DPP10: variants seen among roughly 807,000 people sequenced by gnomAD.
The protein encoded by DPP10 is inactive dipeptidyl peptidase 10.
DPP10 carries 33 observed loss-of-function variants against 120.9 expected under a neutral mutation model. The ratio of observed to expected loss-of-function variants is 0.27; its 90% CI spans 0.21 to 0.37. The LOEUF is 0.37. Among genes scored for constraint, DPP10 ranks in the 10% least tolerant of loss-of-function variants. The probability of loss-of-function intolerance (pLI) is 1.00; values close to 1 mark genes in which losing one functional copy is unlikely to be tolerated. For missense variants in DPP10, 816 were observed against 942.8 expected (o/e 0.87, Z 1.76); for synonymous variants, 337 against 326.1 (o/e 1.03, Z -0.36).
intron 1 of DPP10, among the ~76,000 whole-genome samples, chr2:114,503,609 G>A (rs906547254): frequency 3.3e-5 from 5 of 152,260 alleles, no homozygotes; most frequent in Admixed American, 6.5e-5. Context: ...ATTATCTCAC[G>A]GTCCCAAACA....
Position 115,618,320 on chromosome 2 carries a change from G to A in DPP10, c.442-71367G>A, listed in dbSNP as rs114884120. On this transcript the variant is annotated intron_variant, in intron 5 of 25. Coordinates refer to ENST00000410059, the MANE Select transcript of DPP10 (RefSeq NM_020868.6). ...ACATTGAGTGCAATGTGTCAGTTGAGTGAACTATCTTGGTTGCAAAAGTCA... is the reference window on the plus strand; with the variant it reads ...ACATTGAGTGCAATGTGTCAGTTGAATGAACTATCTTGGTTGCAAAAGTCA... Among the ~76,000 whole-genome samples, 715 of 152,286 alleles carry A rather than the reference G, an allele frequency of 4.7e-3. 6 individuals are homozygous for A. Among genetic ancestry groups the A allele is most frequent in the South Asian group, 9.3e-3 (45 of 4,826 alleles).
At position 115,067,544 on chromosome 2, in the gene DPP10, G is replaced by A. The variant is rs561255433; in HGVS notation, c.61-241695G>A. On this transcript the variant is annotated intron_variant, in intron 1 of 25. Coordinates refer to ENST00000410059, the MANE Select transcript of DPP10 (RefSeq NM_020868.6). ...TGGGATCACAGGCGTGAGCCACCGC[G>A]CCCAGCCAGAATTTCCTCTTTTTAA... Among the ~76,000 whole-genome samples the A allele has an allele frequency of 1.1e-3, 159 of 138,938 alleles. 3 individuals carry two copies. Among genetic ancestry groups the A allele is most frequent in the South Asian group, 0.011 (42 of 3,838 alleles). The allele number at this position is 138,938 out of a possible 152,430, so 91.1% of individuals were successfully genotyped here.
intron 4 of DPP10, among the ~76,000 whole-genome samples, chr2:115,505,981 A>G (rs2076918181): frequency 1.3e-5 from 2 of 148,528 alleles, no homozygotes; most frequent in Admixed American, 1.4e-4. Flanking sequence ...TTATAAACTA[A>G]AATTATTAAT....
At chr2:114,929,714 A>G (rs149542615) in intron 1 of DPP10, among the ~76,000 whole-genome samples, 17,238 of 152,152 alleles carry the variant, frequency 0.11, 1,166 homozygotes, top group Middle Eastern at 0.27. Flanking sequence ...AGTTAACGCA[A>G]TCATCACAGG....
At chr2:115,317,327 TG>T (rs2061843535) in intron 2 of DPP10, among the ~76,000 whole-genome samples, 1 of 152,194 alleles carries the variant, frequency 6.6e-6, no homozygotes, top group Non-Finnish European at 1.5e-5. Flanking sequence ...TCACTTTGCA[TG>T]TTTTAGAAGT....
chr2:115,401,567 T>C (rs1345176310), intron 3 of DPP10, among the ~76,000 whole-genome samples: 2 of 152,056 alleles, frequency 1.3e-5, no homozygotes, highest in Non-Finnish European at 2.9e-5. Context: ...CGGGCGACAT[T>C]GTGACACCCT....
At chr2:115,231,342 A>G (rs1018009727) in intron 1 of DPP10, among the ~76,000 whole-genome samples, 62 of 152,242 alleles carry the variant, frequency 4.1e-4, no homozygotes, top group African/African-American at 1.4e-3. Flanking sequence ...ATAAACATCT[A>G]TGTTTATCTT....
At chr2:115,388,431 TG>T (rs2067103254) in intron 3 of DPP10, among the ~76,000 whole-genome samples, 1 of 152,134 alleles carries the variant, frequency 6.6e-6, no homozygotes, top group South Asian at 2.1e-4. Flanking sequence ...GTAGGAGCCT[TG>T]GGCTGGTTAG....
intron 13 of DPP10, among the ~76,000 whole-genome samples, chr2:115,775,739 A>G (rs929399418): frequency 3.9e-5 from 6 of 152,176 alleles, no homozygotes; most frequent in African/African-American, 1.4e-4. Context: ...AAAAGACAGT[A>G]TAAGAAAGCT....
At chr2:114,997,117 T>C (rs1701138028) in intron 1 of DPP10, among the ~76,000 whole-genome samples, 1 of 151,634 alleles carries the variant, frequency 6.6e-6, no homozygotes, top group Non-Finnish European at 1.5e-5. Context: ...TATTCCAATA[T>C]AAAAAGGGCC....
chr2:115,125,786 G>A (rs1238904478), intron 1 of DPP10, among the ~76,000 whole-genome samples: 1 of 151,720 alleles, frequency 6.6e-6, no homozygotes, highest in African/African-American at 2.4e-5. Flanking sequence ...GTTTCACCAC[G>A]TTAGCCAGGA....
intron 5 of DPP10, among the ~76,000 whole-genome samples, chr2:115,610,876 T>A (rs6542280): frequency 0.99 from 150,492 of 152,288 alleles, 74,386 homozygotes; most frequent in East Asian, 1. Context: ...AATAGTGTCC[T>A]AAATGAATAT....
intron 1 of DPP10, among the ~76,000 whole-genome samples, chr2:115,069,161 T>A (rs1398604207): frequency 1.3e-5 from 2 of 152,140 alleles, no homozygotes; most frequent in Non-Finnish European, 2.9e-5. Flanking sequence ...CAATATAGAT[T>A]CTTCCAATAT....
intron 1 of DPP10, among the ~76,000 whole-genome samples, chr2:115,098,675 T>C (rs1466426332): frequency 6.6e-6 from 1 of 151,850 alleles, no homozygotes; most frequent in African/African-American, 2.4e-5. Flanking sequence ...GGTGCATGAG[T>C]GTATTAAGTT....
chr2:114,849,977 C>A (rs1343701230), intron 1 of DPP10, among the ~76,000 whole-genome samples: 2 of 149,744 alleles, frequency 1.3e-5, no homozygotes, highest in African/African-American at 2.5e-5. Context: ...TTCTCTTCTC[C>A]CTCCCCTCTC....
At chr2:114,675,940 C>T (rs1482327624) in intron 1 of DPP10, among the ~76,000 whole-genome samples, 1 of 152,106 alleles carries the variant, frequency 6.6e-6, no homozygotes, top group Admixed American at 6.6e-5. Context: ...GCTGGGATTA[C>T]AAGTGTGCAC....
At chr2:114,556,970 T>C (rs926008034) in intron 1 of DPP10, among the ~76,000 whole-genome samples, 5 of 147,452 alleles carry the variant, frequency 3.4e-5, no homozygotes, top group Non-Finnish European at 7.4e-5. Context: ...AAAATAGAAA[T>C]TAGGGAGTGT....
At chr2:115,240,258 G>C (rs1328105914) in intron 1 of DPP10, among the ~76,000 whole-genome samples, 1 of 152,110 alleles carries the variant, frequency 6.6e-6, no homozygotes, top group Non-Finnish European at 1.5e-5. Flanking sequence ...ATCCTCTCCA[G>C]CATCTGTTAT....
chr2:115,012,233 C>T (rs1025382237), intron 1 of DPP10, among the ~76,000 whole-genome samples: 1 of 152,050 alleles, frequency 6.6e-6, no homozygotes, highest in Non-Finnish European at 1.5e-5. Flanking sequence ...AGGTCATAAT[C>T]CCTTGGGAGC....
Sources: gnomAD v4.1 joint callset for allele counts (sites outside exome capture counted in the v4.1 genomes callset) on GRCh38, gnomAD v4.1.1 for gene constraint, MANE v1.5 for transcripts, NCBI Gene and HGNC (gene_info 2026-07-23, HGNC 2026-07-21) for gene names.